Variants in ANO1 observed in about 807,000 individuals in gnomAD.
ANO1 encodes anoctamin 1, also known as anoctamin-1.
Under a neutral mutation model 124.0 loss-of-function variants are expected in ANO1, and 59 were observed. That is an observed-to-expected ratio of 0.48 (90% CI 0.39 to 0.59). The LOEUF is 0.59. Ranked by LOEUF, ANO1 falls within the 20% of genes least tolerant of loss-of-function variation. The pLI is 0.00. For missense variants in ANO1, 1,059 were observed against 1,328.0 expected (o/e 0.80, Z 3.15); for synonymous variants, 529 against 532.0 (o/e 0.99, Z 0.08).
rs1182294513 is a variant in ANO1, at chr11:70,078,695, A to T, written c.89A>T (p.Tyr30Phe). ...ATCTGCGCCATCGAGGACATCGGCT[A>T]CCTGCCGTCCGAGGGCACGGTGAGT... ...INICAIEDIGYLPSEGTLLNS... is the reference protein window; with the variant it reads ...INICAIEDIGFLPSEGTLLNS... The change falls in exon 1 of 26, where the codon TAC (tyrosine) becomes TTC (phenylalanine). Residue 30 changes from tyrosine to phenylalanine, a missense_variant. By Grantham distance (22) the Tyr-to-Phe change is conservative. Around this residue, in one of 2 missense-constraint regions of ANO1, gnomAD observed 250 missense variants for 233.1 expected, o/e 1.07. Transcript: ENST00000355303. 1 of 1,485,936 alleles carries T rather than the reference A, an allele frequency of 6.7e-7. No homozygotes were observed. Among genetic ancestry groups the T allele is most frequent in the Non-Finnish European group, 9.0e-7 (1 of 1,106,638 alleles). 92.0% of individuals were successfully genotyped at this position (1,485,936 alleles called of 1,614,324 possible).
intron 11 of ANO1, among the ~76,000 whole-genome samples, chr11:70,148,521 G>A (rs1349159405): frequency 6.6e-6 from 1 of 152,196 alleles, no homozygotes; most frequent in Non-Finnish European, 1.5e-5. Flanking sequence ...AGAGGCAACG[G>A]CCCTGTCCTG....
At chr11:70,039,088 G>C (rs1409273681) in intron 1 of ANO1, among the ~76,000 whole-genome samples, 1 of 152,178 alleles carries the variant, frequency 6.6e-6, no homozygotes, top group East Asian at 1.9e-4. Flanking sequence ...CTGGTCTGGA[G>C]GATCTGGGGG....
At chr11:70,145,106 G>A (rs2047312959) in intron 11 of ANO1, among the ~76,000 whole-genome samples, 1 of 152,212 alleles carries the variant, frequency 6.6e-6, no homozygotes, top group South Asian at 2.1e-4. Context: ...CTCAGGAGCA[G>A]GAGAATTACT....
chr11:70,043,991 ACTGT>A (rs142986811), intron 1 of ANO1, among the ~76,000 whole-genome samples: 4,037 of 152,188 alleles, frequency 0.027, 149 homozygotes, highest in East Asian at 0.16. Context: ...AAAAATAATA[ACTGT>A]ATTATAGCAC....
At chr11:70,135,489 C>T (rs181365467) in intron 11 of ANO1, among the ~76,000 whole-genome samples, 14 of 152,216 alleles carry the variant, frequency 9.2e-5, no homozygotes, top group African/African-American at 3.4e-4. Context: ...TTCCACCCCA[C>T]GCTCTGCCCA....
chr11:70,175,661 C>T (rs561110451), intron 22 of ANO1, among the ~76,000 whole-genome samples: 37 of 152,346 alleles, frequency 2.4e-4, no homozygotes, highest in Admixed American at 1.4e-3. Flanking sequence ...ATTCAGCTCC[C>T]GGGCACTGCA....
chr11:70,009,315 A>G (rs1212153225), intron 1 of ANO1, among the ~76,000 whole-genome samples: 3 of 152,144 alleles, frequency 2.0e-5, no homozygotes, highest in Non-Finnish European at 4.4e-5. Context: ...GGGAGGGAGG[A>G]TAGCAGCTCT....
At chr11:70,162,014 AGGACCCTGGGCCGTGG>A (rs1644995987) in intron 18 of ANO1, among the ~76,000 whole-genome samples, 1 of 126,020 alleles carries the variant, frequency 7.9e-6, no homozygotes, top group African/African-American at 3.1e-5. Context: ...CTGGGCAGTG[AGGACCCTGGGCCGTGG>A]GGACCCCAGG....
In ANO1 at chr11:70,137,599, C is replaced by A. The variant is rs904875865; in HGVS notation, c.1258+5520C>A. On this transcript the variant is annotated intron_variant, in intron 11 of 25. Transcript: ENST00000355303. ...GGAAGATCCACCCAGCGGGGCCCGG[C>A]CTGCCCTGGCAGCCCACTTGACGGT... 2.1e-5 allele frequency among the ~76,000 whole-genome samples: 3 copies of A among 145,996 alleles called. 1 individual carries two copies. Among genetic ancestry groups the A allele is most frequent in the Non-Finnish European group, 4.6e-5 (3 of 65,628 alleles).
chr11:69,974,889 A>C, the ANO1 span, among the ~76,000 whole-genome samples: 1 of 26,378 alleles, frequency 3.8e-5, no homozygotes, highest in African/African-American at 6.7e-5. Flanking sequence ...TCCGTCTCTA[A>C]AAAAAAAAAA....
At chr11:70,097,059 G>A (rs1157455447) in intron 2 of ANO1, among the ~76,000 whole-genome samples, 2 of 152,102 alleles carry the variant, frequency 1.3e-5, no homozygotes, top group Non-Finnish European at 2.9e-5. Context: ...TCCTGGGAGG[G>A]TTGATCTGAG....
rs777282066 is a variant in ANO1 at position 70,105,720 on chromosome 11, C to G, written c.693-14C>G. On this transcript the variant is annotated splice_polypyrimidine_tract_variant and intron_variant, in intron 4 of 25. Transcript: ENST00000355303. ...GGTGAACTGTGTCTTGTTTCCTTCC[C>G]GATATTTCCACAGATTTGACTTGTC... 1 of 1,613,088 alleles carries G rather than the reference C, an allele frequency of 6.2e-7. No homozygotes were observed. The highest frequency in any genetic ancestry group is 1.1e-5 in the South Asian group (1 of 91,036).
intron 1 of ANO1, among the ~76,000 whole-genome samples, chr11:70,048,207 T>C (rs1478526262): frequency 6.6e-6 from 1 of 152,224 alleles, no homozygotes; most frequent in Non-Finnish European, 1.5e-5. Context: ...TAGATAAACA[T>C]TTACCCAATG....
At chr11:69,977,242 G>A in the ANO1 span, among the ~76,000 whole-genome samples, 1 of 152,186 alleles carries the variant, frequency 6.6e-6, no homozygotes, top group Non-Finnish European at 1.5e-5. Context: ...GGTTCTGTGT[G>A]CACGGTCAGT....
intron 11 of ANO1, among the ~76,000 whole-genome samples, chr11:70,135,276 C>T (rs1221468015): frequency 1.3e-5 from 2 of 152,248 alleles, no homozygotes; most frequent in Non-Finnish European, 2.9e-5. Context: ...AAAAGGCCTC[C>T]GATGGAAAAG....
In ANO1 at chr11:70,132,048, G is replaced by A. The variant is rs374544085; in HGVS notation, c.1227G>A (p.Thr409=). The change falls in exon 11 of 26, where the codon ACG becomes ACA. Residue 409 remains threonine (T), a synonymous_variant. Coordinates refer to ENST00000355303, the MANE Select transcript of ANO1 (RefSeq NM_018043.7). Reference sequence around the variant, plus strand: ...GCCACCTCTTCGACAACCCCGCCACGGTCTTCTTCTCTGTCTTCATGGCCC... The same window carrying A: ...GCCACCTCTTCGACAACCCCGCCACAGTCTTCTTCTCTGTCTTCATGGCCC... ...RASHLFDNPA[T]VFFSVFMALW... The A allele has an allele frequency of 6.2e-5, 100 of 1,601,466 alleles. No homozygotes were observed. The highest frequency in any genetic ancestry group is 2.7e-4 in the African/African-American group (20 of 74,760).
At chr11:70,022,327 G>A (rs1405928964) in intron 1 of ANO1, among the ~76,000 whole-genome samples, 1 of 152,154 alleles carries the variant, frequency 6.6e-6, no homozygotes, top group African/African-American at 2.4e-5. Flanking sequence ...AGCCGGGTGT[G>A]GTGGCTCACG....
Position 70,188,326 on chromosome 11 carries a change from G to A in ANO1, c.*322G>A. The A allele has an allele frequency of 1.1e-5, 4 of 351,128 alleles. No homozygotes were observed. Among genetic ancestry groups the A allele is most frequent in the Non-Finnish European group, 1.6e-5 (3 of 190,976 alleles). 21.8% of individuals were successfully genotyped at this position (351,128 alleles called of 1,614,324 possible). A position where few individuals can be genotyped will look rare whatever the true frequency, so the allele number is the denominator to read the frequency against. On this transcript the variant is annotated 3_prime_UTR_variant, in exon 26 of 26. Transcript: ENST00000355303. ...GCTTGGAAACTTGAGTCTCCCTAGAGGTGAAAAGTGAGCAGAGGCCCGTAG... is the reference window on the plus strand; with the variant it reads ...GCTTGGAAACTTGAGTCTCCCTAGAAGTGAAAAGTGAGCAGAGGCCCGTAG...
At chr11:70,101,097 A>G (rs1262907216) in intron 2 of ANO1, among the ~76,000 whole-genome samples, 5 of 151,930 alleles carry the variant, frequency 3.3e-5, no homozygotes, top group African/African-American at 4.8e-5. Context: ...AGGAAGAAGC[A>G]TGGGATGAAG....
Sources: gnomAD v4.1 joint callset for allele counts (sites outside exome capture counted in the v4.1 genomes callset) on GRCh38, gnomAD v4.1.1 for gene constraint, gnomAD v4.1.1 regional missense constraint, MANE v1.5 for transcripts, NCBI Gene and HGNC (gene_info 2026-07-23, HGNC 2026-07-21) for gene names.